The following ZFR variants were observed in gnomAD, a reference collection of about 807,000 sequenced individuals.
The protein encoded by ZFR is zinc finger RNA-binding protein.
Under a neutral mutation model 130.7 loss-of-function variants are expected in ZFR, and 19 were observed. The observed-to-expected ratio is 0.15, with a 90% CI of 0.10 to 0.21. The LOEUF (loss-of-function observed/expected upper bound fraction) is 0.21, where lower values mean the gene tolerates loss of function less well. ZFR is among the 10% of genes least tolerant of loss of function. The pLI is 1.00. For synonymous variants in ZFR, 466 were observed against 456.9 expected (o/e 1.02, Z -0.25); for missense variants, 872 against 1,321.5 (o/e 0.66, Z 5.27).
intron 2 of ZFR, among the ~76,000 whole-genome samples, chr5:32,437,676 A>T (rs191843318): frequency 2.4e-4 from 36 of 152,268 alleles, no homozygotes; most frequent in African/African-American, 7.7e-4. Context: ...CTGATGATCT[A>T]TGTCTCTGAG....
chr5:32,389,181 A>G (rs1422960287), intron 12 of ZFR, among the ~76,000 whole-genome samples: 2 of 152,154 alleles, frequency 1.3e-5, no homozygotes, highest in Non-Finnish European at 2.9e-5. Context: ...GATTTTTCCT[A>G]TAGTCTTAAT....
chr5:32,439,988 A>T (rs1263370525), intron 2 of ZFR, among the ~76,000 whole-genome samples: 2 of 151,924 alleles, frequency 1.3e-5, no homozygotes, highest in African/African-American at 4.8e-5. Flanking sequence ...TGAAGAAGTT[A>T]AAAAAAATGA....
At chr5:32,393,147 C>T (rs1753219786) in intron 11 of ZFR, among the ~76,000 whole-genome samples, 1 of 152,100 alleles carries the variant, frequency 6.6e-6, no homozygotes, top group Non-Finnish European at 1.5e-5. Context: ...CTGTTAAAAC[C>T]AGACATTAAA....
intron 17 of ZFR, among the ~76,000 whole-genome samples, chr5:32,369,625 G>C (rs1217617850): frequency 1.3e-5 from 2 of 151,934 alleles, no homozygotes; most frequent in Non-Finnish European, 2.9e-5. Context: ...GGGCAAGATA[G>C]TGAGACCTTA....
chr5:32,431,526 G>A (rs1302301044), intron 2 of ZFR, among the ~76,000 whole-genome samples: 1 of 152,180 alleles, frequency 6.6e-6, no homozygotes, highest in Non-Finnish European at 1.5e-5. Context: ...CACATTAAAT[G>A]TGCTTTTCGT....
chr5:32,366,313 T>C (rs566762540), intron 17 of ZFR, among the ~76,000 whole-genome samples: 7 of 152,336 alleles, frequency 4.6e-5, no homozygotes, highest in Non-Finnish European at 1.0e-4. Flanking sequence ...GCAAATGTTA[T>C]GAGAAAAGTG....
chr5:32,411,824 A>G (rs1753720560), intron 5 of ZFR, among the ~76,000 whole-genome samples: 1 of 151,944 alleles, frequency 6.6e-6, no homozygotes, highest in Admixed American at 6.6e-5. Context: ...AATTTAACAT[A>G]TTTAAGAGGA....
chr5:32,430,089 A>AT (rs1754169545), intron 2 of ZFR, among the ~76,000 whole-genome samples: 1 of 151,278 alleles, frequency 6.6e-6, no homozygotes, highest in African/African-American at 2.4e-5. Context: ...CAAAAAAAAA[A>AT]AAAAAAAAAA....
intron 9 of ZFR, among the ~76,000 whole-genome samples, chr5:32,397,849 CTTTTTTT>C (rs70961626): frequency 2.5e-4 from 17 of 66,880 alleles, no homozygotes; most frequent in African/African-American, 9.4e-4. Context: ...GCTCTTGTAT[CTTTTTTT>C]TTTTTTTTTT....
intron 17 of ZFR, among the ~76,000 whole-genome samples, chr5:32,376,259 A>G (rs35783855): frequency 0.22 from 32,888 of 152,164 alleles, 4,296 homozygotes; most frequent in African/African-American, 0.37. Flanking sequence ...ACTACTGTAA[A>G]TTAGAATATA....
intron 2 of ZFR, among the ~76,000 whole-genome samples, chr5:32,440,013 A>C (rs1043033547): frequency 1.3e-5 from 2 of 152,172 alleles, no homozygotes; most frequent in African/African-American, 4.8e-5. Flanking sequence ...TGATCCTATG[A>C]AACTATTAGG....
chr5:32,411,839 C>T (rs1385869664), intron 5 of ZFR, among the ~76,000 whole-genome samples: 7 of 151,590 alleles, frequency 4.6e-5, no homozygotes, highest in African/African-American at 9.7e-5. Context: ...AGAGGATGTA[C>T]GTAGGTTAAA....
intron 17 of ZFR, among the ~76,000 whole-genome samples, chr5:32,365,947 A>G (rs769808873): frequency 2.0e-5 from 3 of 152,128 alleles, no homozygotes; most frequent in Non-Finnish European, 4.4e-5. Context: ...TTAAGTTTTA[A>G]TATTTTAAGG....
chr5:32,376,084 C>T (rs1471363730), intron 17 of ZFR, among the ~76,000 whole-genome samples: 1 of 151,604 alleles, frequency 6.6e-6, no homozygotes, highest in Non-Finnish European at 1.5e-5. Context: ...CCTTGTGATC[C>T]ACCCGCCTCG....
chr5:32,411,709 A>AGG (rs201115882), intron 5 of ZFR, among the ~76,000 whole-genome samples: 1 of 73,116 alleles, frequency 1.4e-5, no homozygotes, highest in African/African-American at 7.1e-5. Flanking sequence ...AAAAAAATTG[A>AGG]GGGGGGGCGG....
chr5:32,393,361 G>A (rs1371133204), intron 11 of ZFR, among the ~76,000 whole-genome samples: 1 of 106,186 alleles, frequency 9.4e-6, no homozygotes, highest in Non-Finnish European at 2.0e-5. Flanking sequence ...TTTTTTTTTT[G>A]AGACGGAGTT....
At chr5:32,426,249 T>C (rs563484886) in intron 2 of ZFR, among the ~76,000 whole-genome samples, 74 of 152,244 alleles carry the variant, frequency 4.9e-4, no homozygotes, top group Admixed American at 7.2e-4. Flanking sequence ...TCTACAACAT[T>C]TGTGTTTTCT....
rs987450375 is a variant in ZFR at position 32,392,421 on chromosome 5, A to G, written c.1980-1984T>C. 4.8e-4 allele frequency among the ~76,000 whole-genome samples: 73 copies of G among 152,242 alleles called. 1 individual carries two copies. Among genetic ancestry groups the G allele is most frequent in the Admixed American group, 4.6e-3 (71 of 15,290 alleles). ...TGTAAAAATTAAAACCAACACATAC[A>G]TAATAGTAAAAACTATTTAAAGGTA... On this transcript the variant is annotated intron_variant, in intron 11 of 19. Coordinates refer to ENST00000265069, the MANE Select transcript of ZFR (RefSeq NM_016107.5).
chr5:32,372,417 T>C (rs1234538900), intron 17 of ZFR, among the ~76,000 whole-genome samples: 1 of 152,200 alleles, frequency 6.6e-6, no homozygotes, highest in East Asian at 1.9e-4. Context: ...GAACTCTATA[T>C]GGTTGACCCT....
Sources: allele counts gnomAD v4.1 joint callset (sites outside exome capture counted in the v4.1 genomes callset), GRCh38; gene constraint gnomAD v4.1.1; transcripts MANE v1.5; gene names NCBI Gene and HGNC (gene_info 2026-07-23, HGNC 2026-07-21).